OR1B1: variants seen among roughly 807,000 people sequenced by gnomAD.
OR1B1 encodes olfactory receptor family 1 subfamily B member 1, also known as olfactory receptor 1B1.
For synonymous variants in OR1B1, 168 were observed against 156.2 expected, an observed-to-expected ratio of 1.08 and a Z score of -0.57; for missense variants, 414 against 402.1, an observed-to-expected ratio of 1.03 and a Z score of -0.25.
the OR1B1 span, among the ~76,000 whole-genome samples, chr9:122,650,588 T>G: frequency 6.6e-6 from 1 of 151,568 alleles, no homozygotes; most frequent in Non-Finnish European, 1.5e-5. Flanking sequence ...GCCTCTGGAG[T>G]TCAATGTTTA....
At position 122,628,660 on chromosome 9, in the gene OR1B1, G is replaced by A. The variant is rs746433007; in HGVS notation, c.876C>T (p.Asn292=). 17 of 1,614,010 alleles carry A rather than the reference G, an allele frequency of 1.1e-5. No individual in the cohort carries two copies. In the South Asian group the frequency reaches 1.9e-4, roughly 18 times the overall value. ...TATTGTGGAGGCTATACACAAATGG[G>A]TTGGCCAAAGGTGTAATGGCAGTAT... The change falls in exon 1 of 1, where the codon AAC becomes AAT. Residue 292 remains asparagine (N), a synonymous_variant. Transcript: ENST00000623530.
chr9:122,643,462 C>T, the OR1B1 span, among the ~76,000 whole-genome samples: 1 of 152,224 alleles, frequency 6.6e-6, no homozygotes, highest in Admixed American at 6.5e-5. Flanking sequence ...TGGTGAGAAC[C>T]TGAGTTACTC....
the OR1B1 span, among the ~76,000 whole-genome samples, chr9:122,645,996 G>C: frequency 6.6e-6 from 1 of 152,032 alleles, no homozygotes; most frequent in African/African-American, 2.4e-5. Context: ...CAGGAAGTAG[G>C]CAGTACAATA....
At chr9:122,637,283 A>T in the OR1B1 span, 1 of 151,864 alleles carries the variant, frequency 6.6e-6, no homozygotes. Context: ...ACAAATACTG[A>T]CTCTCTTCTC....
the OR1B1 span, among the ~76,000 whole-genome samples, chr9:122,644,821 GCA>G: frequency 6.6e-6 from 1 of 152,154 alleles, no homozygotes; most frequent in Non-Finnish European, 1.5e-5. Flanking sequence ...CCAAGGACAG[GCA>G]CACGCAAGCC....
the OR1B1 span, among the ~76,000 whole-genome samples, chr9:122,652,686 T>C: frequency 6.6e-6 from 1 of 152,214 alleles, no homozygotes; most frequent in Non-Finnish European, 1.5e-5. Flanking sequence ...ACTCAGGTTC[T>C]ATGTTTGTTG....
chr9:122,631,062 C>G (rs1045166940), upstream of OR1B1, among the ~76,000 whole-genome samples: 1 of 152,062 alleles, frequency 6.6e-6, no homozygotes, highest in Admixed American at 6.6e-5. Context: ...AGCTCTCACA[C>G]CCCTGCACAT....
chr9:122,646,323 A>C, the OR1B1 span, among the ~76,000 whole-genome samples: 6 of 152,234 alleles, frequency 3.9e-5, no homozygotes, highest in African/African-American at 1.4e-4. Flanking sequence ...ACAAATTTTA[A>C]AATGAAATAA....
downstream of OR1B1, among the ~76,000 whole-genome samples, chr9:122,628,192 A>G (rs752131772): frequency 2.0e-4 from 31 of 152,122 alleles, no homozygotes; most frequent in Non-Finnish European, 4.0e-4. Context: ...CACTCCCACA[A>G]GAACACACAC....
chr9:122,647,862 T>C, the OR1B1 span, among the ~76,000 whole-genome samples: 1 of 152,230 alleles, frequency 6.6e-6, no homozygotes, highest in Non-Finnish European at 1.5e-5. Flanking sequence ...ACAACCTTTA[T>C]TTCATTAACC....
rs75769247 is a variant in OR1B1, at chr9:122,629,374, G to T, written c.162C>A (p.Asp54Glu). Residue 54 changes from aspartate (D) to glutamate (E), a missense_variant, in exon 1 of 1, where the codon GAC becomes GAA. Transcript: ENST00000623530. ...AATACATGGGTGAGTGCAGTCTGGAGTCCCAGGAGATGAGCAGCACCAGTG... is the reference window on the plus strand; with the variant it reads ...AATACATGGGTGAGTGCAGTCTGGATTCCCAGGAGATGAGCAGCACCAGTG... The T allele has an allele frequency of 7.9e-4, 1,273 of 1,614,100 alleles. 22 individuals carry two copies. In the East Asian group the frequency reaches 0.024, roughly 31 times the overall value.
the OR1B1 span, among the ~76,000 whole-genome samples, chr9:122,645,187 A>G: frequency 6.6e-6 from 1 of 152,196 alleles, no homozygotes; most frequent in Non-Finnish European, 1.5e-5. Context: ...GAACTGATCA[A>G]GCAGAACAAA....
upstream of OR1B1, among the ~76,000 whole-genome samples, chr9:122,633,943 G>T (rs1339170329): frequency 6.7e-6 from 1 of 149,052 alleles, no homozygotes; most frequent in Non-Finnish European, 1.5e-5. Context: ...AAAGGGTGGG[G>T]TGGGGGGGTG....
At chr9:122,653,940 A>AT in the OR1B1 span, among the ~76,000 whole-genome samples, 1 of 152,158 alleles carries the variant, frequency 6.6e-6, no homozygotes, top group South Asian at 2.1e-4. Context: ...CATATTATTA[A>AT]ATACTTATTT....
chr9:122,638,083 G>A, the OR1B1 span, among the ~76,000 whole-genome samples: 1 of 152,106 alleles, frequency 6.6e-6, no homozygotes, highest in East Asian at 1.9e-4. Context: ...TGATAGAAAA[G>A]TATAACAACA....
chr9:122,650,433 A>G, the OR1B1 span, among the ~76,000 whole-genome samples: 1 of 150,802 alleles, frequency 6.6e-6, no homozygotes, highest in Non-Finnish European at 1.5e-5. Context: ...TATATATAAT[A>G]TATTTATATA....
At chr9:122,640,498 A>G in the OR1B1 span, among the ~76,000 whole-genome samples, 1 of 152,216 alleles carries the variant, frequency 6.6e-6, no homozygotes, top group African/African-American at 2.4e-5. Flanking sequence ...ACTGGAAAAT[A>G]AAAGGAGACA....
chr9:122,631,410 C>G, upstream of OR1B1, among the ~76,000 whole-genome samples: 1 of 152,160 alleles, frequency 6.6e-6, no homozygotes, highest in East Asian at 1.9e-4. Context: ...ATCTCCTGAC[C>G]TCGTGATCCG....
the OR1B1 span, among the ~76,000 whole-genome samples, chr9:122,655,545 T>C: frequency 6.6e-6 from 1 of 152,124 alleles, no homozygotes; most frequent in Non-Finnish European, 1.5e-5. Flanking sequence ...TGTAGGGACA[T>C]GGATGGAGCT....
Sources: gnomAD v4.1 joint callset for allele counts (sites outside exome capture counted in the v4.1 genomes callset) on GRCh38, gnomAD v4.1.1 for gene constraint, MANE v1.5 for transcripts, NCBI Gene and HGNC (gene_info 2026-07-23, HGNC 2026-07-21) for gene names.